The following KIF15 variants were observed in gnomAD, a reference collection of about 807,000 sequenced individuals.
KIF15 encodes the protein kinesin-like protein KIF15.
KIF15 carries 140 observed loss-of-function variants against 190.6 expected under a neutral mutation model. The ratio of observed to expected loss-of-function variants is 0.73; its 90% CI spans 0.64 to 0.84. The LOEUF is 0.84. Ranked by LOEUF, KIF15 falls within the 40% of genes least tolerant of loss-of-function variation. The pLI, the probability that KIF15 is intolerant of heterozygous loss-of-function variation, is 0.00. For missense variants in KIF15, 1,372 were observed against 1,584.4 expected, an observed-to-expected ratio of 0.87 and a Z score of 2.28; for synonymous variants, 528 against 551.3, an observed-to-expected ratio of 0.96 and a Z score of 0.59.
At chr3:44,868,656 T>A (rs936633158) in intron 6 of KIF15, among the ~76,000 whole-genome samples, 3 of 152,178 alleles carry the variant, frequency 2.0e-5, no homozygotes, top group African/African-American at 7.2e-5. Context: ...CCTGCAGAAC[T>A]GTGAGAAAAT....
At chr3:44,772,113 A>G (rs2125899351) in intron 1 of KIF15, among the ~76,000 whole-genome samples, 1 of 152,322 alleles carries the variant, frequency 6.6e-6, no homozygotes, top group Non-Finnish European at 1.5e-5. Flanking sequence ...TCACACACAC[A>G]ACACATACAT....
At chr3:44,862,363 A>T (rs1355982116) in intron 6 of KIF15, 2 of 158,258 alleles carry the variant, frequency 1.3e-5, no homozygotes, top group East Asian at 3.8e-4. Flanking sequence ...TGTAGGTGGT[A>T]AGAGACGTCG....
downstream of KIF15, among the ~76,000 whole-genome samples, chr3:44,856,171 T>C (rs1699186928): frequency 1.3e-5 from 2 of 152,204 alleles, no homozygotes; most frequent in South Asian, 4.1e-4. Flanking sequence ...TCTCAGACCC[T>C]GTGGGAAAGG....
At chr3:44,792,531 G>T (rs1394848091) in intron 7 of KIF15, among the ~76,000 whole-genome samples, 1 of 151,666 alleles carries the variant, frequency 6.6e-6, no homozygotes, top group African/African-American at 2.4e-5. Flanking sequence ...GATTAATAGG[G>T]TTATAACAGC....
chr3:44,856,121 A>G (rs1215919426), downstream of KIF15, among the ~76,000 whole-genome samples: 1 of 152,166 alleles, frequency 6.6e-6, no homozygotes, highest in African/African-American at 2.4e-5. Context: ...AAACCCAGGA[A>G]TTATGGCGGA....
rs574082402 is a variant in KIF15, at chr3:44,799,996, C to T, written c.1099-318C>T. Among the ~76,000 whole-genome samples the T allele has an allele frequency of 1.4e-4, 22 of 152,082 alleles. No individual in the cohort carries two copies. In the South Asian group the frequency reaches 2.1e-3, roughly 14 times the overall value. Reference sequence around the variant, plus strand: ...CATTGGGAGGGTGGGGGAAGGCTGTCGTTCTCAGGGAAAGAAGTATTAGGT... The same window carrying T: ...CATTGGGAGGGTGGGGGAAGGCTGTTGTTCTCAGGGAAAGAAGTATTAGGT... On this transcript the variant is annotated intron_variant, in intron 10 of 34. Coordinates refer to ENST00000326047, the MANE Select transcript of KIF15 (RefSeq NM_020242.3).
chr3:44,768,034 G>A (rs1705475236), intron 1 of KIF15, among the ~76,000 whole-genome samples: 2 of 151,942 alleles, frequency 1.3e-5, no homozygotes, highest in African/African-American at 4.8e-5. Flanking sequence ...CCAGCACTTT[G>A]GGAGGCCAAC....
intron 5 of KIF15, among the ~76,000 whole-genome samples, chr3:44,781,285 A>T (rs1706151665): frequency 6.6e-6 from 1 of 152,222 alleles, no homozygotes; most frequent in African/African-American, 2.4e-5. Flanking sequence ...GATTTCTGTC[A>T]TCATTAATAT....
chr3:44,788,762 G>A (rs901780914), intron 7 of KIF15, among the ~76,000 whole-genome samples: 2 of 152,050 alleles, frequency 1.3e-5, no homozygotes, highest in East Asian at 3.9e-4. Flanking sequence ...TCTTTGTCTT[G>A]TTTTATTATC....
intron 20 of KIF15, among the ~76,000 whole-genome samples, chr3:44,823,446 C>T (rs1423477550): frequency 6.6e-6 from 1 of 152,200 alleles, no homozygotes; most frequent in Non-Finnish European, 1.5e-5. Flanking sequence ...GAGGTTTATC[C>T]CAGTTAGGCT....
At chr3:44,792,396 C>A (rs1260015004) in intron 7 of KIF15, among the ~76,000 whole-genome samples, 1 of 151,876 alleles carries the variant, frequency 6.6e-6, no homozygotes, top group East Asian at 1.9e-4. Context: ...ATCATTTGAG[C>A]CTGGGAGGCA....
intron 6 of KIF15, chr3:44,863,008 G>A (rs947593737): frequency 6.6e-6 from 1 of 152,218 alleles, no homozygotes; most frequent in Admixed American, 6.5e-5. Context: ...GTTGCCACTG[G>A]CCCATATGCT....
intron 26 of KIF15, 38 bp from the exon 27 acceptor site, chr3:44,838,237 A>G: frequency 6.4e-7 from 1 of 1,557,168 alleles, no homozygotes; most frequent in Non-Finnish European, 8.7e-7. Flanking sequence ...TTATTGGAAT[A>G]CCATAATTAA....
At chr3:44,842,652 A>C (rs534790493) in intron 29 of KIF15, among the ~76,000 whole-genome samples, 31 of 152,354 alleles carry the variant, frequency 2.0e-4, no homozygotes, top group Non-Finnish European at 3.7e-4. Flanking sequence ...GAAATCAGAT[A>C]ATAGGCAAGT....
intron 29 of KIF15, among the ~76,000 whole-genome samples, chr3:44,842,838 A>G (rs1404478339): frequency 1.3e-5 from 2 of 152,226 alleles, no homozygotes; most frequent in African/African-American, 4.8e-5. Flanking sequence ...ACATTTTTCA[A>G]TATAGAGATT....
chr3:44,855,020 A>G (rs76771035), downstream of KIF15, among the ~76,000 whole-genome samples: 1 of 152,240 alleles, frequency 6.6e-6, no homozygotes, highest in African/African-American at 2.4e-5. Context: ...CATTGCAAGG[A>G]AAGTGTCACA....
At chr3:44,850,304 G>A (rs1044777438) in intron 32 of KIF15, among the ~76,000 whole-genome samples, 13 of 152,202 alleles carry the variant, frequency 8.5e-5, no homozygotes, top group South Asian at 2.1e-4. Context: ...TTCAGAGTCC[G>A]GCTCCTAGCT....
chr3:44,861,037 G>C (rs1336668522), intron 6 of KIF15, among the ~76,000 whole-genome samples: 1 of 152,052 alleles, frequency 6.6e-6, no homozygotes, highest in Non-Finnish European at 1.5e-5. Context: ...TGTTGGCCAG[G>C]CTGGAGTGCA....
At chr3:44,764,803 T>C (rs1325678684) in intron 1 of KIF15, among the ~76,000 whole-genome samples, 1 of 152,058 alleles carries the variant, frequency 6.6e-6, no homozygotes, top group African/African-American at 2.4e-5. Flanking sequence ...AGCCTGGCTA[T>C]TTTTTATATT....
Sources: allele counts gnomAD v4.1 joint callset (sites outside exome capture counted in the v4.1 genomes callset), GRCh38; gene constraint gnomAD v4.1.1; transcripts MANE v1.5; gene names NCBI Gene and HGNC (gene_info 2026-07-23, HGNC 2026-07-21).